The following CAMTA1 variants were observed in gnomAD, a reference collection of about 807,000 sequenced individuals.
The protein encoded by CAMTA1 is calmodulin-binding transcription activator 1.
Under a neutral mutation model 170.9 loss-of-function variants are expected in CAMTA1, and 27 were observed. The ratio of observed to expected loss-of-function variants is 0.16; its 90% CI spans 0.12 to 0.22. CAMTA1 has a LOEUF of 0.22. CAMTA1 is among the 10% of genes least tolerant of loss of function. The pLI is 1.00. For missense variants in CAMTA1, 1,619 were observed against 2,217.2 expected (o/e 0.73, Z 5.42); for synonymous variants, 833 against 891.5 (o/e 0.93, Z 1.17).
Position 7,455,635 on chromosome 1 carries a change from T to C in CAMTA1, c.439-12195T>C, listed in dbSNP as rs899889142. Among the ~76,000 whole-genome samples the C allele has an allele frequency of 6.6e-6, 1 of 152,144 alleles. No homozygotes were observed. The highest frequency in any genetic ancestry group is 2.1e-4 in the South Asian group (1 of 4,834). ...CCACATGCAGCCGCACATGTTGGAG[T>C]GTGCCGTGGATACCTACGTGGCGTC... On this transcript the variant is annotated intron_variant, in intron 5 of 22. Coordinates refer to ENST00000303635, the MANE Select transcript of CAMTA1 (RefSeq NM_015215.4). This position sits in a 1 kb window ranked among gnomAD's most constrained non-coding sequence, Gnocchi z 5.0.
chr1:7,715,643 G>A (rs919925133), intron 11 of CAMTA1, among the ~76,000 whole-genome samples: 2 of 152,092 alleles, frequency 1.3e-5, no homozygotes, highest in African/African-American at 2.4e-5. Context: ...GCTTTTTTAC[G>A]TAATCCAAGG....
rs147806242 is a variant in CAMTA1, at chr1:7,216,893, T to C, written c.303-32598T>C. On this transcript the variant is annotated intron_variant, in intron 4 of 22. Transcript: ENST00000303635. This position sits in a 1 kb window ranked among gnomAD's most constrained non-coding sequence, Gnocchi z 4.0. ...TTATGGTTATATTTTTATTGTGGAA[T>C]GTGATTTTTAGCATTAGAAGGTGTC... 7.7e-3 allele frequency among the ~76,000 whole-genome samples: 1,180 copies of C among 152,330 alleles called. 17 individuals carry two copies. Among genetic ancestry groups the C allele is most frequent in the Admixed American group, 0.04 (607 of 15,296 alleles).
At chr1:7,081,427 A>C (rs1639994964) in intron 3 of CAMTA1, among the ~76,000 whole-genome samples, 1 of 152,262 alleles carries the variant, frequency 6.6e-6, no homozygotes, top group Non-Finnish European at 1.5e-5. Flanking sequence ...TAATAAACTG[A>C]CGACTGGAAC....
intron 6 of CAMTA1, among the ~76,000 whole-genome samples, chr1:7,518,888 C>A (rs61458907): frequency 0.064 from 9,777 of 151,940 alleles, 1,032 homozygotes; most frequent in African/African-American, 0.21. Context: ...AAAAAATGGC[C>A]TGTGATGGCT....
intron 5 of CAMTA1, among the ~76,000 whole-genome samples, chr1:7,290,923 G>C (rs921048888): frequency 6.6e-5 from 10 of 152,182 alleles, no homozygotes; most frequent in African/African-American, 2.2e-4. Flanking sequence ...GGGGCTCCTG[G>C]GGGGGTGAAG....
chr1:6,940,912 A>AGGGGGTCCTCACAGGGAGG lies in CAMTA1; in HGVS notation c.234+115706_234+115707insGTCCTCACAGGGAGGGGGG. On this transcript the variant is annotated intron_variant, in intron 3 of 22. Coordinates refer to ENST00000303635, the MANE Select transcript of CAMTA1 (RefSeq NM_015215.4). Reference sequence around the variant, plus strand: ...ACAGGTGGGCACTGTGCTCACAGGCAGGGGATCCTCACAGGGAAAGGGGAT... The same window carrying AGGGGGTCCTCACAGGGAGG: ...ACAGGTGGGCACTGTGCTCACAGGCAGGGGGTCCTCACAGGGAGGGGGGATCCTCACAGGGAAAGGGGAT... Among the ~76,000 whole-genome samples the AGGGGGTCCTCACAGGGAGG allele has an allele frequency of 7.3e-4, 2 of 2,736 alleles. 1 individual carries two copies. The highest frequency in any genetic ancestry group is 1.6e-3 in the Non-Finnish European group (2 of 1,290). The allele number at this position is 2,736 out of a possible 152,430, so 1.8% of individuals were successfully genotyped here.
chr1:7,248,936 C>A lies in CAMTA1; in HGVS notation c.303-555C>A, dbSNP rs1008273517. 6.6e-6 allele frequency among the ~76,000 whole-genome samples: 1 copy of A among 152,160 alleles called. No homozygotes were observed. The highest frequency in any genetic ancestry group is 2.1e-4 in the South Asian group (1 of 4,822). On this transcript the variant is annotated intron_variant, in intron 4 of 22. Transcript: ENST00000303635. The surrounding 1 kb of genome is among the most constrained non-coding windows in gnomAD (Gnocchi z 4.0). ...TTAGCTTGCTTGAGAAGCAAGACCG[C>A]AGATGCTCTTTCATATCTAGCAGTA...
Position 6,796,734 on chromosome 1 carries a change from T to C in CAMTA1, c.45+11159T>C, listed in dbSNP as rs940308590. Among the ~76,000 whole-genome samples, 5 of 152,162 alleles carry C rather than the reference T, an allele frequency of 3.3e-5. No individual in the cohort carries two copies. In the South Asian group the frequency reaches 1.0e-3, roughly 32 times the overall value. The stretch of plus-strand genomic sequence containing the variant: ...TGTAGCTGTTGACTCCGGTTTCTCC[T>C]CTAGGGAGGTCACTGCTTGCAGTTC... On this transcript the variant is annotated intron_variant, in intron 1 of 22. Coordinates refer to ENST00000303635, the MANE Select transcript of CAMTA1 (RefSeq NM_015215.4).
At chr1:6,859,599 G>A (rs1202689036) in intron 3 of CAMTA1, among the ~76,000 whole-genome samples, 2 of 151,896 alleles carry the variant, frequency 1.3e-5, no homozygotes, top group African/African-American at 4.8e-5. Flanking sequence ...GACCAGCCTG[G>A]GCAACATAGG....
intron 11 of CAMTA1, among the ~76,000 whole-genome samples, chr1:7,683,414 A>G (rs950313600): frequency 2.0e-5 from 3 of 152,036 alleles, no homozygotes; most frequent in Admixed American, 2.0e-4. Flanking sequence ...TCAAAGAGCT[A>G]CTTTGAATTA....
chr1:7,081,672 G>T (rs1233175048), intron 3 of CAMTA1, among the ~76,000 whole-genome samples: 6 of 152,198 alleles, frequency 3.9e-5, no homozygotes, highest in Admixed American at 2.0e-4. Flanking sequence ...TGACAGTGGA[G>T]AAAGCCAGCA....
At chr1:7,337,871 C>T (rs1421817280) in intron 5 of CAMTA1, among the ~76,000 whole-genome samples, 6 of 152,096 alleles carry the variant, frequency 3.9e-5, no homozygotes, top group South Asian at 2.1e-4. Context: ...AACTCTTACC[C>T]GAATTTCCAG....
intron 4 of CAMTA1, among the ~76,000 whole-genome samples, chr1:7,170,833 C>G (rs1573621070): frequency 4.6e-5 from 7 of 152,012 alleles, no homozygotes; most frequent in Admixed American, 4.6e-4. Context: ...GTCTGTAGTT[C>G]ACTTCATTGT....
chr1:7,438,143 G>T (rs913894075), intron 5 of CAMTA1, among the ~76,000 whole-genome samples: 1 of 152,222 alleles, frequency 6.6e-6, no homozygotes, highest in East Asian at 1.9e-4. Context: ...GTGGTGTTGG[G>T]GGAATCAGAG....
chr1:7,392,442 T>A (rs1020452869), intron 5 of CAMTA1, among the ~76,000 whole-genome samples: 4 of 151,072 alleles, frequency 2.6e-5, no homozygotes, highest in African/African-American at 9.7e-5. Flanking sequence ...TTTAGTAGAG[T>A]CCGGGTTTCT....
chr1:7,700,802 C>T (rs2096431301), intron 11 of CAMTA1: 1 of 152,158 alleles, frequency 6.6e-6, no homozygotes, highest in Non-Finnish European at 1.5e-5. Context: ...TGCAAAGCAC[C>T]CCCAGGGATA....
chr1:7,462,406 C>T (rs973147301), intron 5 of CAMTA1, among the ~76,000 whole-genome samples: 1 of 152,186 alleles, frequency 6.6e-6, no homozygotes, highest in African/African-American at 2.4e-5. Context: ...GCTGAGACTA[C>T]AGGTGCATGC....
rs565436519 is a variant in CAMTA1, at chr1:7,556,724, A to G, written c.511-83676A>G. On this transcript the variant is annotated intron_variant, in intron 6 of 22. Coordinates refer to ENST00000303635, the MANE Select transcript of CAMTA1 (RefSeq NM_015215.4). ...GCCATCCACCTCCCCTCCTCTGCTC[A>G]CACCCACTCAGCCCTGTGACCCCTG... 3.4e-4 allele frequency among the ~76,000 whole-genome samples: 51 copies of G among 152,042 alleles called. 1 individual carries two copies. Among genetic ancestry groups the G allele is most frequent in the African/African-American group, 1.1e-3 (45 of 41,470 alleles).
chr1:7,409,362 C>T (rs1436437373), intron 5 of CAMTA1, among the ~76,000 whole-genome samples: 1 of 152,260 alleles, frequency 6.6e-6, no homozygotes, highest in East Asian at 1.9e-4. Flanking sequence ...AGAGCTGGCC[C>T]TTCTGTCCTG....
Sources: gnomAD v4.1 joint callset for allele counts (sites outside exome capture counted in the v4.1 genomes callset) on GRCh38, gnomAD v4.1.1 for gene constraint, Gnocchi (gnomAD v3.1) non-coding constraint, MANE v1.5 for transcripts, NCBI Gene and HGNC (gene_info 2026-07-23, HGNC 2026-07-21) for gene names.